The following TTC21B variants were observed in gnomAD, a reference collection of about 807,000 sequenced individuals.
TTC21B encodes tetratricopeptide repeat domain 21B, also known as tetratricopeptide repeat protein 21B.
A neutral mutation model predicts 175.1 loss-of-function variants in TTC21B; 127 were observed. That is an observed-to-expected ratio of 0.73 (90% CI 0.63 to 0.84). The LOEUF (loss-of-function observed/expected upper bound fraction) is 0.84. Among genes scored for constraint, TTC21B ranks in the 40% least tolerant of loss-of-function variants. TTC21B has a pLI of 0.00. For missense variants in TTC21B, 1,561 were observed against 1,558.3 expected, an observed-to-expected ratio of 1.00 and a Z score of -0.03; for synonymous variants, 524 against 524.5, an observed-to-expected ratio of 1.00 and a Z score of 0.01.
At chr2:165,940,463 C>T (rs1687323793) in intron 6 of TTC21B, among the ~76,000 whole-genome samples, 1 of 152,152 alleles carries the variant, frequency 6.6e-6, no homozygotes, top group South Asian at 2.1e-4. Flanking sequence ...GACCTCACAC[C>T]TTACTCACCT....
intron 6 of TTC21B, among the ~76,000 whole-genome samples, chr2:165,936,957 C>G (rs1687173419): frequency 6.6e-6 from 1 of 151,928 alleles, no homozygotes; most frequent in African/African-American, 2.4e-5. Context: ...GGCATTTGAT[C>G]CAAAGGAGTT....
chr2:165,927,014 A>ATATATATATATATC (rs1385347841), intron 11 of TTC21B, among the ~76,000 whole-genome samples: 1 of 113,018 alleles, frequency 8.8e-6, no homozygotes, highest in African/African-American at 3.4e-5. Flanking sequence ...ATATATATAT[A>ATATATATATATATC]TATCTCCTAG....
intron 28 of TTC21B, 147 bp downstream of exon 28, chr2:165,876,018 A>G (rs1684653938): frequency 5.0e-6 from 3 of 601,718 alleles, no homozygotes; most frequent in South Asian, 2.0e-5. Flanking sequence ...CTAAATTTCG[A>G]ACACTGATAA....
chr2:165,945,388 G>A lies in TTC21B; in HGVS notation c.429+136C>T, dbSNP rs567726625. The A allele has an allele frequency of 1.7e-4, 133 of 802,304 alleles. 1 individual carries two copies. In the East Asian group the frequency reaches 3.3e-3, roughly 20 times the overall value. The allele number at this position is 802,304 out of a possible 1,614,324, so 49.7% of individuals were successfully genotyped here. The stretch of plus-strand genomic sequence containing the variant: ...TAACCATATTGATAACCATAAATGG[G>A]TTAAAATAAAGCTGTTATTTACAAA... On this transcript the variant is annotated intron_variant, in intron 4 of 28. Transcript: ENST00000243344.
intron 22 of TTC21B, among the ~76,000 whole-genome samples, chr2:165,897,644 T>C (rs984888603): frequency 5.9e-5 from 9 of 152,120 alleles, no homozygotes; most frequent in Non-Finnish European, 1.3e-4. Context: ...TTAGGACACA[T>C]CTGCACATAC....
At position 165,915,414 on chromosome 2, in the gene TTC21B, T is replaced by A. The variant is rs1041233422; in HGVS notation, c.1925A>T (p.Asp642Val). ...TGTTCCAGAAAATTCATGGATGGCATCTTGTAAAACTTTGGTTGCCTCATG... is the reference window on the plus strand; with the variant it reads ...TGTTCCAGAAAATTCATGGATGGCAACTTGTAAAACTTTGGTTGCCTCATG... ...EQHEATKVLQ[D>V]AIHEFSGTSE... The change falls in exon 15 of 29, where the codon GAT becomes GTT. Residue 642 changes from aspartate (D) to valine (V), a missense_variant. Coordinates refer to ENST00000243344, the MANE Select transcript of TTC21B (RefSeq NM_024753.5). The A allele has an allele frequency of 6.2e-7, 1 of 1,614,118 alleles. No individual in the cohort carries two copies. The highest frequency in any genetic ancestry group is 1.1e-5 in the South Asian group (1 of 91,082).
intron 20 of TTC21B, among the ~76,000 whole-genome samples, chr2:165,900,626 T>C (rs58268217): frequency 6.6e-6 from 1 of 152,172 alleles, no homozygotes; most frequent in African/African-American, 2.4e-5. Context: ...CTAGCCATTT[T>C]TGCATCCTTA....
chr2:165,935,205 T>G (rs1355446130), intron 6 of TTC21B, among the ~76,000 whole-genome samples: 1 of 152,172 alleles, frequency 6.6e-6, no homozygotes, highest in Non-Finnish European at 1.5e-5. Context: ...AACAGTTACA[T>G]ATGGGGAAAC....
chr2:165,945,472 A>G (rs1687518955), intron 4 of TTC21B, 52 bp downstream of exon 4: 6 of 1,526,998 alleles, frequency 3.9e-6, no homozygotes, highest in South Asian at 3.4e-5. Flanking sequence ...GGATATATCA[A>G]TAACATAAGC....
At chr2:165,907,634 C>G in intron 19 of TTC21B, 44 bp downstream of exon 19, 1 of 1,291,786 alleles carries the variant, frequency 7.7e-7, no homozygotes, top group African/African-American at 1.5e-5. Context: ...CCTTCTGCAT[C>G]CATCTCCTAC....
chr2:165,931,247 A>G (rs111485927), intron 8 of TTC21B, among the ~76,000 whole-genome samples: 1 of 152,024 alleles, frequency 6.6e-6, no homozygotes, highest in Non-Finnish European at 1.5e-5. Flanking sequence ...GAACTTTTCA[A>G]TATTCTCATT....
At chr2:165,915,151 T>A in intron 15 of TTC21B, 50 bp downstream of exon 15, 2 of 1,471,108 alleles carry the variant, frequency 1.4e-6, no homozygotes, top group Non-Finnish European at 1.9e-6. Context: ...TGGGAATTAA[T>A]ACTAGTGGCT....
At chr2:165,912,687 G>A in intron 16 of TTC21B, 63 bp from the exon 17 acceptor site, 2 of 1,149,070 alleles carry the variant, frequency 1.7e-6, no homozygotes, top group Non-Finnish European at 2.6e-6. Context: ...CCATTAAAGG[G>A]CAACAGTTCT....
In TTC21B at chr2:165,875,133, A is replaced by G. The variant is rs12620082; in HGVS notation, c.3874-301T>C. On this transcript the variant is annotated intron_variant, in intron 28 of 28. Coordinates refer to ENST00000243344, the MANE Select transcript of TTC21B (RefSeq NM_024753.5). Reference sequence around the variant, plus strand: ...TATCAATGATTTAAAATATTTTTGTAATTTAGCTTTTCATTCATAATATCT... The same window carrying G: ...TATCAATGATTTAAAATATTTTTGTGATTTAGCTTTTCATTCATAATATCT... Among the ~76,000 whole-genome samples, 876 of 152,320 alleles carry G rather than the reference A, an allele frequency of 5.8e-3. 4 individuals carry two copies. Among genetic ancestry groups the G allele is most frequent in the East Asian group, 0.025 (131 of 5,190 alleles).
chr2:165,911,181 G>C, intron 18 of TTC21B, 146 bp downstream of exon 18: 1 of 911,736 alleles, frequency 1.1e-6, no homozygotes, highest in Non-Finnish European at 1.7e-6. Flanking sequence ...TAGTAGAGTG[G>C]CATTCTGATA....
At chr2:165,900,076 A>AC (rs397688998) in intron 20 of TTC21B, among the ~76,000 whole-genome samples, 196 bp from the exon 21 acceptor site, 1 of 151,716 alleles carries the variant, frequency 6.6e-6, no homozygotes, top group Non-Finnish European at 1.5e-5. Context: ...AAAAAAAAAA[A>AC]CAGAGAAACA....
At chr2:165,948,136 A>T (rs1366282191) in intron 3 of TTC21B, 1 of 152,174 alleles carries the variant, frequency 6.6e-6, no homozygotes, top group Non-Finnish European at 1.5e-5. Context: ...CTCTCTGGCC[A>T]ATACTCTTCA....
intron 26 of TTC21B, among the ~76,000 whole-genome samples, chr2:165,882,386 T>C (rs1187684090): frequency 6.6e-6 from 1 of 152,216 alleles, no homozygotes; most frequent in Non-Finnish European, 1.5e-5. Context: ...TTGTTTGTTT[T>C]GTTTTTTCTA....
chr2:165,933,277 T>C (rs1686980539), intron 6 of TTC21B, among the ~76,000 whole-genome samples: 1 of 152,190 alleles, frequency 6.6e-6, no homozygotes, highest in Admixed American at 6.5e-5. Flanking sequence ...AAGATATGAA[T>C]AGATTATACT....
Sources: gnomAD v4.1 joint callset for allele counts (sites outside exome capture counted in the v4.1 genomes callset) on GRCh38, gnomAD v4.1.1 for gene constraint, MANE v1.5 for transcripts, NCBI Gene and HGNC (gene_info 2026-07-23, HGNC 2026-07-21) for gene names.